Variants in CALCOCO2 observed in about 807,000 individuals in gnomAD.
The protein encoded by CALCOCO2 is calcium-binding and coiled-coil domain-containing protein 2.
In CALCOCO2, 42 loss-of-function variants were observed where a neutral mutation model predicts 62.5. The ratio of observed to expected loss-of-function variants is 0.67; its 90% CI spans 0.53 to 0.87. The LOEUF (loss-of-function observed/expected upper bound fraction) is 0.87. Among genes scored for constraint, CALCOCO2 ranks in the 40% least tolerant of loss-of-function variants. The probability of loss-of-function intolerance (pLI) is 0.00; values close to 1 mark genes in which losing one functional copy is unlikely to be tolerated. For synonymous variants in CALCOCO2, 167 were observed against 173.0 expected (o/e 0.97, Z 0.27); for missense variants, 456 against 515.0 (o/e 0.89, Z 1.11).
intron 10 of CALCOCO2, among the ~76,000 whole-genome samples, chr17:48,858,030 AATAG>A (rs1567759308): frequency 6.8e-5 from 1 of 14,666 alleles, no homozygotes; most frequent in African/African-American, 1.3e-4. Context: ...AATAGAATAG[AATAG>A]AATAGAATAG....
chr17:48,860,831 C>T (rs575688703), intron 11 of CALCOCO2, among the ~76,000 whole-genome samples: 2 of 152,148 alleles, frequency 1.3e-5, no homozygotes, highest in Non-Finnish European at 1.5e-5. Context: ...TTACAGCAGC[C>T]ACCCTGATGG....
intron 1 of CALCOCO2, chr17:48,841,447 T>C (rs2039973330): frequency 2.9e-6 from 1 of 342,764 alleles, no homozygotes; most frequent in African/African-American, 2.1e-5. Flanking sequence ...TAAGCCTCTG[T>C]TCATGTGAGG....
chr17:48,841,458 G>C, intron 1 of CALCOCO2: 1 of 378,244 alleles, frequency 2.6e-6, no homozygotes, highest in South Asian at 4.8e-5. Context: ...TCATGTGAGG[G>C]TTGTGGTGCC....
rs757078025 is a variant in CALCOCO2, at chr17:48,862,867, A to G, written c.1203A>G (p.Lys401=). Residue 401 remains lysine, a synonymous_variant, in exon 13 of 13, where the codon AAA becomes AAG. Transcript: ENST00000258947. ...CCATCAAGAAATGCCCTATCTGCAA[A>G]GCAGATGATATTTGTGATCACACCT... ...PLSIKKCPIC[K]ADDICDHTLE... The G allele has an allele frequency of 3.1e-6, 5 of 1,613,888 alleles. No individual in the cohort carries two copies. Among genetic ancestry groups the G allele is most frequent in the Non-Finnish European group, 4.2e-6 (5 of 1,179,858 alleles).
At chr17:48,843,677 A>C (rs188879316) in intron 2 of CALCOCO2, among the ~76,000 whole-genome samples, 1 of 152,314 alleles carries the variant, frequency 6.6e-6, no homozygotes, top group African/African-American at 2.4e-5. Flanking sequence ...AGGCGTGCCA[A>C]CCCACCAGAG....
At chr17:48,858,046 A>ATAGAATAGAAAAGAATAG in intron 10 of CALCOCO2, among the ~76,000 whole-genome samples, 1 of 40,038 alleles carries the variant, frequency 2.5e-5, no homozygotes, top group Non-Finnish European at 4.9e-5. Context: ...ATAGAATAGA[A>ATAGAATAGAAAAGAATAG]AATAGAATAG....
chr17:48,832,401 A>G (rs563768241), intron 1 of CALCOCO2, among the ~76,000 whole-genome samples: 19 of 152,048 alleles, frequency 1.2e-4, no homozygotes, highest in Non-Finnish European at 2.5e-4. Flanking sequence ...CTCAAAAAAC[A>G]AACAAACAAA....
chr17:48,860,214 T>C, intron 10 of CALCOCO2, 100 bp from the exon 11 acceptor site: 1 of 815,370 alleles, frequency 1.2e-6, no homozygotes. Context: ...AGTGCCACAT[T>C]GCTAATTGAG....
chr17:48,857,364 G>T, intron 10 of CALCOCO2, among the ~76,000 whole-genome samples: 1 of 151,112 alleles, frequency 6.6e-6, no homozygotes, highest in Admixed American at 6.6e-5. Context: ...CGCCTGGCTA[G>T]TTTTGTATTT....
intron 1 of CALCOCO2, among the ~76,000 whole-genome samples, chr17:48,832,140 C>T (rs1160190090): frequency 1.3e-5 from 2 of 152,240 alleles, no homozygotes; most frequent in African/African-American, 2.4e-5. Flanking sequence ...CGCCTGTAAT[C>T]TCAGCACTTT....
At chr17:48,841,299 A>G (rs2039971637) in intron 1 of CALCOCO2, among the ~76,000 whole-genome samples, 1 of 152,226 alleles carries the variant, frequency 6.6e-6, no homozygotes, top group East Asian at 1.9e-4. Context: ...GATGAAATCC[A>G]GAGAGATGGA....
chr17:48,858,011 A>G (rs181025853), intron 10 of CALCOCO2, among the ~76,000 whole-genome samples: 35 of 16,278 alleles, frequency 2.2e-3, no homozygotes, highest in East Asian at 0.012. Flanking sequence ...ATAGAATAGA[A>G]TAGAATAGAA....
rs1176889381 is a variant in CALCOCO2, at chr17:48,863,768, T to C, written c.*763T>C. 1.3e-5 allele frequency: 2 copies of C among 152,228 alleles called. No homozygotes were observed. Among genetic ancestry groups the C allele is most frequent in the East Asian group, 3.8e-4 (2 of 5,196 alleles). The allele number at this position is 152,228 out of a possible 1,614,324, so 9.4% of individuals were successfully genotyped here. On this transcript the variant is annotated 3_prime_UTR_variant, in exon 13 of 13. Transcript: ENST00000258947. ...TTTCTGAGTAGGTGAGTTTTGAATA[T>C]GGGTAAATCAGAATAATGAGACAAC...
chr17:48,833,411 C>T (rs892497248), intron 1 of CALCOCO2, among the ~76,000 whole-genome samples: 2 of 151,774 alleles, frequency 1.3e-5, no homozygotes, highest in Non-Finnish European at 2.9e-5. Context: ...AAAAATTAAC[C>T]GGACATGGTG....
At chr17:48,842,009 T>C (rs528158396) in intron 2 of CALCOCO2, 122 bp downstream of exon 2, 255 of 637,930 alleles carry the variant, frequency 4.0e-4, no homozygotes, top group Non-Finnish European at 6.1e-4. Context: ...TTTTAAATTC[T>C]AGCCAAGCTC....
At chr17:48,846,052 A>G (rs1261334827) in intron 2 of CALCOCO2, 6 of 1,475,808 alleles carry the variant, frequency 4.1e-6, no homozygotes, top group African/African-American at 2.8e-5. Flanking sequence ...TAATCAGACT[A>G]TTCAACTCCT....
rs562452799 is a variant in CALCOCO2 at position 48,832,028 on chromosome 17, C to G, written c.-11+950C>G. Among the ~76,000 whole-genome samples the G allele has an allele frequency of 5.6e-4, 85 of 152,294 alleles. 1 individual carries two copies. The highest frequency in any genetic ancestry group is 6.8e-3 in the Middle Eastern group (2 of 294). ...GGCCTTGAAAAAGGTAGTCGATAAT[C>G]CTGAGTTACCTGGCACTAACAGGTC... On this transcript the variant is annotated intron_variant, in intron 1 of 12. Transcript: ENST00000258947.
At position 48,841,705 on chromosome 17, in the gene CALCOCO2, A is replaced by G. The variant is rs1334442232; in HGVS notation, c.-3A>G. On this transcript the variant is annotated 5_prime_UTR_variant, in exon 2 of 13. Transcript: ENST00000258947. ...TTCCACATTTCATAACAGGACCCCT[A>G]CCATGGAGGAGACCATCAAAGATCC... 1 of 1,607,496 alleles carries G rather than the reference A, an allele frequency of 6.2e-7. No homozygotes were observed. Among genetic ancestry groups the G allele is most frequent in the Non-Finnish European group, 8.5e-7 (1 of 1,175,766 alleles).
chr17:48,845,728 CAAAAAA>C (rs534937285), intron 2 of CALCOCO2, among the ~76,000 whole-genome samples: 1 of 107,898 alleles, frequency 9.3e-6, no homozygotes, highest in African/African-American at 3.5e-5. Context: ...GACTCCATCT[CAAAAAA>C]AAAAAAAAAA....
Sources: allele counts gnomAD v4.1 joint callset (sites outside exome capture counted in the v4.1 genomes callset), GRCh38; gene constraint gnomAD v4.1.1; transcripts MANE v1.5; gene names NCBI Gene and HGNC (gene_info 2026-07-23, HGNC 2026-07-21).